DIS3L2: variants seen among roughly 807,000 people sequenced by gnomAD.
DIS3L2 encodes the protein DIS3-like exonuclease 2.
DIS3L2 carries 34 observed loss-of-function variants against 97.5 expected under a neutral mutation model. That is an observed-to-expected ratio of 0.35 (90% confidence interval 0.27 to 0.46). The LOEUF is 0.46. Among genes scored for constraint, DIS3L2 ranks in the 20% least tolerant of loss-of-function variants. The probability of loss-of-function intolerance (pLI) is 1.00; values close to 1 mark genes in which losing one functional copy is unlikely to be tolerated. For synonymous variants in DIS3L2, 435 were observed against 445.2 expected (o/e 0.98, Z 0.29); for missense variants, 1,038 against 1,146.0 (o/e 0.91, Z 1.36).
intron 13 of DIS3L2, among the ~76,000 whole-genome samples, chr2:232,284,103 C>T (rs1316902244): frequency 6.6e-6 from 1 of 152,010 alleles, no homozygotes; most frequent in Non-Finnish European, 1.5e-5. Context: ...CCAGCATTGC[C>T]CCCAGGAAAT....
intron 6 of DIS3L2, among the ~76,000 whole-genome samples, chr2:232,103,747 A>G (rs1697275024): frequency 1.3e-5 from 2 of 152,174 alleles, no homozygotes; most frequent in South Asian, 4.1e-4. Flanking sequence ...ACATATTCTC[A>G]ATGATTGAAG....
At chr2:232,075,680 A>G (rs1222438720) in intron 5 of DIS3L2, among the ~76,000 whole-genome samples, 1 of 152,102 alleles carries the variant, frequency 6.6e-6, no homozygotes, top group Non-Finnish European at 1.5e-5. Context: ...TTGTTTCCTT[A>G]TATGTAACTG....
intron 9 of DIS3L2, among the ~76,000 whole-genome samples, chr2:232,184,332 G>T (rs1691374718): frequency 6.6e-6 from 1 of 152,178 alleles, no homozygotes; most frequent in Non-Finnish European, 1.5e-5. Flanking sequence ...GAAAATAACA[G>T]AAAGAGTGAA....
At chr2:232,263,873 A>G (rs1038586539) in intron 13 of DIS3L2, among the ~76,000 whole-genome samples, 2 of 152,140 alleles carry the variant, frequency 1.3e-5, no homozygotes, top group Admixed American at 6.5e-5. Context: ...GAAGGCTTGG[A>G]AAAAAAGTAT....
chr2:232,118,334 G>A (rs138753820), intron 6 of DIS3L2, among the ~76,000 whole-genome samples: 122 of 152,270 alleles, frequency 8.0e-4, no homozygotes, highest in African/African-American at 2.9e-3. Flanking sequence ...GGGATTATTG[G>A]GGACCATAGT....
At chr2:232,299,442 A>G (rs1350338803) in intron 13 of DIS3L2, among the ~76,000 whole-genome samples, 2 of 152,152 alleles carry the variant, frequency 1.3e-5, no homozygotes, top group African/African-American at 2.4e-5. Flanking sequence ...CCCTGGATCT[A>G]TCAGCGCCCA....
downstream of DIS3L2, among the ~76,000 whole-genome samples, chr2:232,339,543 C>T (rs1054520607): frequency 2.0e-5 from 3 of 152,194 alleles, no homozygotes; most frequent in African/African-American, 7.2e-5. Flanking sequence ...GACAGTGCAG[C>T]AAGGAGGCCC....
At position 232,329,912 on chromosome 2, in the gene DIS3L2, C is replaced by T. The variant is rs187677159; in HGVS notation, c.1839C>T (p.Pro613=). 62 of 1,613,068 alleles carry T rather than the reference C, an allele frequency of 3.8e-5. 2 individuals carry two copies. In the East Asian group the frequency reaches 1.4e-3, roughly 36 times the overall value. Residue 613 remains proline, a synonymous_variant, in exon 15 of 21, where the codon CCC becomes CCT. Coordinates refer to ENST00000325385, the MANE Select transcript of DIS3L2 (RefSeq NM_152383.5). ...EQALLRRHPP[P]QTRMLSDLVE... ...CCCTGCTGCGCCGGCACCCCCCGCC[C>T]CAAACAAGGATGCTCAGTGACCTGG...
At position 232,015,486 on chromosome 2, in the gene DIS3L2, A is replaced by G. The variant is rs1008714510; in HGVS notation, c.53-28A>G. On this transcript the variant is annotated intron_variant, in intron 2 of 20. Transcript: ENST00000325385. ...TAAAAATACACAGATGTTTGAGGAA[A>G]GAGTTGATTGCTGCCTCCTGTTTCT... 9 of 1,603,966 alleles carry G rather than the reference A, an allele frequency of 5.6e-6. No homozygotes were observed. The African/African-American group carries it at 9.4e-5, about 17-fold the overall frequency.
intron 3 of DIS3L2, among the ~76,000 whole-genome samples, chr2:232,021,308 A>C (rs1694503486): frequency 6.6e-6 from 1 of 152,154 alleles, no homozygotes; most frequent in Admixed American, 6.6e-5. Flanking sequence ...AGAAGGGAGT[A>C]AACAGTGGGA....
chr2:232,241,579 T>A (rs1693082271), intron 11 of DIS3L2, among the ~76,000 whole-genome samples: 1 of 152,258 alleles, frequency 6.6e-6, no homozygotes, highest in East Asian at 1.9e-4. Flanking sequence ...TTGGTTATTC[T>A]TGTTAACAAT....
At chr2:232,042,208 G>A (rs1415028032) in intron 5 of DIS3L2, among the ~76,000 whole-genome samples, 3 of 152,088 alleles carry the variant, frequency 2.0e-5, no homozygotes, top group Non-Finnish European at 4.4e-5. Context: ...TTCAATGGTT[G>A]TTTCAAACCT....
chr2:232,181,682 A>G (rs1691275006), intron 9 of DIS3L2, among the ~76,000 whole-genome samples: 1 of 151,860 alleles, frequency 6.6e-6, no homozygotes, highest in African/African-American at 2.4e-5. Flanking sequence ...TCTGTCACTC[A>G]TGCTGGAGTG....
chr2:232,123,732 C>G (rs528911687), intron 6 of DIS3L2, among the ~76,000 whole-genome samples: 1 of 152,184 alleles, frequency 6.6e-6, no homozygotes, highest in East Asian at 1.9e-4. Flanking sequence ...ACGGGCATTA[C>G]CAGGTTAAAA....
rs541249226 is a variant in DIS3L2 at position 232,027,747 on chromosome 2, TCATGACA to T, written c.265-2228_265-2222del. On this transcript the variant is annotated intron_variant, in intron 4 of 20. Transcript: ENST00000325385. ...TACTGACAGAAAGTTGGTTTTCATTTCATGACACATCTAAACTATACAGGATGAGTAA... is the reference window on the plus strand; with the variant it reads ...TACTGACAGAAAGTTGGTTTTCATTTCATCTAAACTATACAGGATGAGTAA... 4.3e-4 allele frequency among the ~76,000 whole-genome samples: 66 copies of T among 152,356 alleles called. 1 individual carries two copies. In the East Asian group the frequency reaches 0.012, roughly 28 times the overall value.
intron 13 of DIS3L2, among the ~76,000 whole-genome samples, chr2:232,290,785 A>C (rs964560943): frequency 6.6e-6 from 1 of 152,208 alleles, no homozygotes; most frequent in Admixed American, 6.5e-5. Context: ...GCAGGGAGGC[A>C]TCATCCAATG....
intron 8 of DIS3L2, among the ~76,000 whole-genome samples, chr2:232,140,541 T>C (rs1407370709): frequency 2.6e-5 from 4 of 152,184 alleles, no homozygotes; most frequent in African/African-American, 9.7e-5. Flanking sequence ...AGTCCATGCT[T>C]GACAATGGCA....
intron 8 of DIS3L2, among the ~76,000 whole-genome samples, chr2:232,143,706 T>A (rs1690134897): frequency 6.6e-6 from 1 of 152,104 alleles, no homozygotes; most frequent in Admixed American, 6.6e-5. Context: ...GGAAAAAGAA[T>A]ATATGTAACA....
intron 14 of DIS3L2, among the ~76,000 whole-genome samples, chr2:232,321,658 C>T (rs773818735): frequency 2.0e-5 from 3 of 152,306 alleles, no homozygotes; most frequent in Non-Finnish European, 2.9e-5. Flanking sequence ...CAGCCCTGGG[C>T]GACTCAGACA....
Sources: allele counts gnomAD v4.1 joint callset (sites outside exome capture counted in the v4.1 genomes callset), GRCh38; gene constraint gnomAD v4.1.1; transcripts MANE v1.5; gene names NCBI Gene and HGNC (gene_info 2026-07-23, HGNC 2026-07-21).